IGHMBP2: variants seen among roughly 807,000 people sequenced by gnomAD.
IGHMBP2 encodes the protein immunoglobulin mu DNA binding protein 2, also known as DNA-binding protein SMUBP-2.
In IGHMBP2, 81 loss-of-function variants were observed where a neutral mutation model predicts 96.0. The ratio of observed to expected loss-of-function variants is 0.84; its 90% CI spans 0.71 to 1.01. The LOEUF (loss-of-function observed/expected upper bound fraction) is 1.01, where lower values mean the gene tolerates loss of function less well. Ranked by LOEUF, IGHMBP2 falls within the 50% of genes least tolerant of loss-of-function variation. IGHMBP2 has a pLI of 0.00. For missense variants in IGHMBP2, 1,227 were observed against 1,306.3 expected, an observed-to-expected ratio of 0.94 and a Z score of 0.94; for synonymous variants, 557 against 548.9, an observed-to-expected ratio of 1.01 and a Z score of -0.21.
Position 68,939,605 on chromosome 11 carries a change from C to T in IGHMBP2, c.2856C>T (p.Ala952=), listed in dbSNP as rs759627672. Residue 952 remains alanine (A), a synonymous_variant, in exon 15 of 15, where the codon GCC becomes GCT. Coordinates refer to ENST00000255078, the MANE Select transcript of IGHMBP2 (RefSeq NM_002180.3). ...QRISREGVLY[A]GSGTKNGSLD... is the part of the protein sequence containing the mutation. ...TCAGCCGGGAAGGGGTCCTCTATGCCGGCAGCGGGACCAAGAACGGATCCC... is the reference window on the plus strand; with the variant it reads ...TCAGCCGGGAAGGGGTCCTCTATGCTGGCAGCGGGACCAAGAACGGATCCC... 5.9e-5 allele frequency: 95 copies of T among 1,613,332 alleles called. No individual in the cohort carries two copies. The highest frequency in any genetic ancestry group is 3.6e-4 in the East Asian group (16 of 44,894).
intron 7 of IGHMBP2, among the ~76,000 whole-genome samples, chr11:68,928,115 C>G (rs1404225923): frequency 6.6e-6 from 1 of 152,246 alleles, no homozygotes; most frequent in Non-Finnish European, 1.5e-5. Flanking sequence ...TTGTGAGAGT[C>G]TCTTTGCTGA....
intron 2 of IGHMBP2, among the ~76,000 whole-genome samples, chr11:68,907,468 A>T (rs1295907995): frequency 1.3e-5 from 2 of 152,138 alleles, no homozygotes; most frequent in East Asian, 1.9e-4. Flanking sequence ...CACGCCTGGG[A>T]TGCTTGTGTT....
At chr11:68,916,986 T>A (rs1409720044) in intron 6 of IGHMBP2, among the ~76,000 whole-genome samples, 1 of 145,196 alleles carries the variant, frequency 6.9e-6, no homozygotes, top group African/African-American at 2.5e-5. Context: ...TTTTTTTTTT[T>A]TTTTTTTTTT....
rs191703733 is a variant in IGHMBP2, at chr11:68,924,749, C to T, written c.1061-4434C>T. 3.9e-5 allele frequency among the ~76,000 whole-genome samples: 6 copies of T among 152,318 alleles called. No homozygotes were observed. The East Asian group carries it at 1.2e-3, about 29-fold the overall frequency. ...CACATCTCATCACCTTTCCCCTGTT[C>T]TGTGGATTAGAAGCAAGTCTCAGGC... On this transcript the variant is annotated intron_variant, in intron 7 of 14. Transcript: ENST00000255078.
chr11:68,916,791 G>A (rs1386162663), intron 6 of IGHMBP2, among the ~76,000 whole-genome samples: 1 of 152,082 alleles, frequency 6.6e-6, no homozygotes, highest in African/African-American at 2.4e-5. Flanking sequence ...ATGCAGGTTC[G>A]AGGTGGTGGA....
At chr11:68,922,322 A>C (rs1858908509) in intron 7 of IGHMBP2, among the ~76,000 whole-genome samples, 1 of 152,128 alleles carries the variant, frequency 6.6e-6, no homozygotes, top group African/African-American at 2.4e-5. Flanking sequence ...GTCTCAAAAA[A>C]AAAAAGAAAG....
chr11:68,907,858 T>C (rs1858263505), intron 2 of IGHMBP2, among the ~76,000 whole-genome samples: 1 of 151,950 alleles, frequency 6.6e-6, no homozygotes, highest in South Asian at 2.1e-4. Context: ...CCTGGCTAAT[T>C]TTTTGTATTT....
rs146483556 is a variant in IGHMBP2, at chr11:68,925,458, T to C, written c.1061-3725T>C. Among the ~76,000 whole-genome samples the C allele has an allele frequency of 6.1e-4, 93 of 152,270 alleles. 1 individual carries two copies. The highest frequency in any genetic ancestry group is 3.4e-3 in the Middle Eastern group (1 of 294). On this transcript the variant is annotated intron_variant, in intron 7 of 14. Transcript: ENST00000255078. ...GCCACCACACCTGGCTAGATTCTAA[T>C]TGGCTTTGTAGTTATTGCTTTATCC...
At position 68,911,499 on chromosome 11, in the gene IGHMBP2, G is replaced by C. The variant is rs768493454; in HGVS notation, c.607G>C (p.Ala203Pro). ...CTCCCAGAAAGAAGCGGTTTTATTT[G>C]CGCTGTCTCAGAAAGAACTTGCCAT... ...DTSQKEAVLF[A>P]LSQKELAIIH... Residue 203 changes from alanine (A) to proline (P), a missense_variant, in exon 5 of 15, where the codon GCG becomes CCG. Transcript: ENST00000255078. 6.2e-7 allele frequency: 1 copy of C among 1,614,156 alleles called. No individual in the cohort carries two copies. The highest frequency in any genetic ancestry group is 2.2e-5 in the East Asian group (1 of 44,878).
chr11:68,930,652 C>A, intron 8 of IGHMBP2: 2 of 302,446 alleles, frequency 6.6e-6, no homozygotes, highest in Non-Finnish European at 9.7e-6. Flanking sequence ...GCACCTTTGC[C>A]TCAGTTCTTG....
At chr11:68,918,317 A>C (rs546701910) in intron 7 of IGHMBP2, among the ~76,000 whole-genome samples, 1 of 146,746 alleles carries the variant, frequency 6.8e-6, no homozygotes, top group African/African-American at 2.5e-5. Context: ...TTAAATTTAG[A>C]TTTTATATAT....
Position 68,908,550 on chromosome 11 carries a change from A to G in IGHMBP2, c.466A>G (p.Lys156Glu), listed in dbSNP as rs1858294367. 6.2e-7 allele frequency: 1 copy of G among 1,613,770 alleles called. No individual in the cohort carries two copies. The highest frequency in any genetic ancestry group is 8.5e-7 in the Non-Finnish European group (1 of 1,179,798). The part of the protein sequence containing the change: ...RRLKKALIAL[K>E]KYHSGPASSL... ...CCTTGGCAGAGCCCTGATTGCTCTA[A>G]AGAAGTATCATTCTGGCCCAGCCTC... is the stretch of plus-strand genomic sequence containing the variant. Residue 156 changes from lysine to glutamate, a missense_variant, in exon 4 of 15, where the codon AAG (lysine) becomes GAG (glutamate). Physicochemically the swap from Lys to Glu is moderately conservative, Grantham distance 56. This residue lies in a region of IGHMBP2 where 507 missense variants were observed against 496.9 expected (regional missense o/e 1.02). Coordinates refer to ENST00000255078, the MANE Select transcript of IGHMBP2 (RefSeq NM_002180.3).
intron 8 of IGHMBP2, chr11:68,930,449 G>A (rs1157271456): frequency 7.8e-7 from 1 of 1,287,522 alleles, no homozygotes; most frequent in East Asian, 5.6e-5. Flanking sequence ...GTAGAGAGAG[G>A]TGTCAAAAAT....
At chr11:68,930,065 C>T (rs1420709065) in intron 8 of IGHMBP2, 1 of 1,164,430 alleles carries the variant, frequency 8.6e-7, no homozygotes, top group Non-Finnish European at 1.1e-6. Flanking sequence ...CCACTCCTGC[C>T]TGGGTGTGGC....
chr11:68,939,644 G>C lies in IGHMBP2; in HGVS notation c.2895G>C (p.Lys965Asn), dbSNP rs758073482. The stretch of plus-strand genomic sequence containing the variant: ...AGAACGGATCCCTGGACCCAGCCAA[G>C]AGGGCCCAGCTGCAGAGGAGGCTGG... ...GTKNGSLDPAKRAQLQRRLDK... is the reference protein window; with the variant it reads ...GTKNGSLDPANRAQLQRRLDK... Residue 965 changes from lysine to asparagine, a missense_variant, in exon 15 of 15, where the codon AAG becomes AAC. Around this residue, in one of 3 missense-constraint regions of IGHMBP2, gnomAD observed 703 missense variants for 770.3 expected, o/e 0.91. Coordinates refer to ENST00000255078, the MANE Select transcript of IGHMBP2 (RefSeq NM_002180.3). 1 of 1,613,544 alleles carries C rather than the reference G, an allele frequency of 6.2e-7. No individual in the cohort carries two copies. Among genetic ancestry groups the C allele is most frequent in the South Asian group, 1.1e-5 (1 of 91,034 alleles).
intron 8 of IGHMBP2, chr11:68,930,068 G>T: frequency 3.4e-6 from 4 of 1,164,900 alleles, no homozygotes; most frequent in Non-Finnish European, 4.3e-6. Flanking sequence ...CTCCTGCCTG[G>T]GTGTGGCGGG....
At chr11:68,908,421 G>C (rs1344749874) in intron 3 of IGHMBP2, 84 bp downstream of exon 3, 1 of 1,488,296 alleles carries the variant, frequency 6.7e-7, no homozygotes, top group Non-Finnish European at 9.4e-7. Context: ...GCACAAAAGA[G>C]AGCAACAAGT....
At chr11:68,915,071 C>T in intron 6 of IGHMBP2, 48 bp downstream of exon 6, 1 of 1,508,038 alleles carries the variant, frequency 6.6e-7, no homozygotes, top group Non-Finnish European at 9.2e-7. Flanking sequence ...TTCTGATCTG[C>T]AGTCTTTTTA....
At chr11:68,926,384 C>T (rs1340290756) in intron 7 of IGHMBP2, 2 of 151,096 alleles carry the variant, frequency 1.3e-5, no homozygotes, top group East Asian at 3.9e-4. Context: ...AATTCTCCTG[C>T]CTCAGCCTCC....
Sources: gnomAD v4.1 joint callset for allele counts (sites outside exome capture counted in the v4.1 genomes callset) on GRCh38, gnomAD v4.1.1 for gene constraint, gnomAD v4.1.1 regional missense constraint, MANE v1.5 for transcripts, NCBI Gene and HGNC (gene_info 2026-07-23, HGNC 2026-07-21) for gene names.